The following PALLD variants were observed in gnomAD, a reference collection of about 807,000 sequenced individuals.
The protein encoded by PALLD is palladin.
PALLD carries 61 observed loss-of-function variants against 123.5 expected under a neutral mutation model. The ratio of observed to expected loss-of-function variants is 0.49; its 90% CI spans 0.40 to 0.61. The LOEUF is 0.61. Ranked by LOEUF, PALLD falls within the 20% of genes least tolerant of loss-of-function variation. PALLD has a pLI of 0.00. For missense variants in PALLD, 1,273 were observed against 1,377.0 expected (o/e 0.92, Z 1.20); for synonymous variants, 465 against 496.4 (o/e 0.94, Z 0.84).
chr4:168,911,430 G>A (rs896113680), intron 15 of PALLD, among the ~76,000 whole-genome samples: 4 of 152,278 alleles, frequency 2.6e-5, no homozygotes, highest in South Asian at 4.1e-4. Context: ...CATGGAAGCC[G>A]CAAAGCACAT....
intron 10 of PALLD, among the ~76,000 whole-genome samples, chr4:168,811,690 C>T (rs758368753): frequency 1.3e-4 from 20 of 152,054 alleles, no homozygotes; most frequent in Non-Finnish European, 2.5e-4. Flanking sequence ...GAGCCATAAT[C>T]GCAATCATAC....
intron 10 of PALLD, among the ~76,000 whole-genome samples, chr4:168,879,222 A>G (rs1423757259): frequency 6.6e-6 from 1 of 152,160 alleles, no homozygotes; most frequent in Non-Finnish European, 1.5e-5. Flanking sequence ...TGGCAGCCCT[A>G]TGAGGTCTTT....
At chr4:168,905,138 G>GTTTT (rs777740588) in intron 15 of PALLD, among the ~76,000 whole-genome samples, 7 of 34,538 alleles carry the variant, frequency 2.0e-4, no homozygotes, top group Non-Finnish European at 3.5e-4. Flanking sequence ...TGTTTTGTTG[G>GTTTT]TTTTTTTTTT....
Position 168,593,436 on chromosome 4 carries a change from C to CAAAAAAAAAAGAAA in PALLD, c.909-74749_909-74736dup, listed in dbSNP as rs1554047269. 7.7e-5 allele frequency among the ~76,000 whole-genome samples: 8 copies of CAAAAAAAAAAGAAA among 103,346 alleles called. No individual in the cohort carries two copies. In the South Asian group the frequency reaches 1.2e-3, roughly 15 times the overall value. 67.8% of individuals were successfully genotyped at this position (103,346 alleles called of 152,430 possible). A position where few individuals can be genotyped will look rare whatever the true frequency, so the allele number is the denominator to read the frequency against. On this transcript the variant is annotated intron_variant, in intron 2 of 21. Transcript: ENST00000505667. ...AGTAAAGACACTACCAGTCACCAGG[C>CAAAAAAAAAAGAAA]AAAAAAAAAAGAAAAAAAGGAAGAC...
At chr4:168,579,458 AT>A (rs376784368) in intron 2 of PALLD, among the ~76,000 whole-genome samples, 1 of 151,988 alleles carries the variant, frequency 6.6e-6, no homozygotes, top group South Asian at 2.1e-4. Context: ...CATTGCAGCA[AT>A]TTTTTTTAGC....
intron 2 of PALLD, among the ~76,000 whole-genome samples, chr4:168,544,247 G>T (rs1051715756): frequency 6.6e-6 from 1 of 152,240 alleles, no homozygotes; most frequent in Non-Finnish European, 1.5e-5. Context: ...TGCATATCCT[G>T]CAGTGTTAGC....
intron 10 of PALLD, among the ~76,000 whole-genome samples, chr4:168,837,954 T>C (rs915884620): frequency 2.0e-5 from 3 of 152,042 alleles, no homozygotes; most frequent in African/African-American, 7.2e-5. Flanking sequence ...TGTGGTAAAA[T>C]AGATCTAGGG....
At chr4:168,665,986 A>T (rs964977543) in intron 2 of PALLD, among the ~76,000 whole-genome samples, 1 of 152,214 alleles carries the variant, frequency 6.6e-6, no homozygotes, top group Non-Finnish European at 1.5e-5. Context: ...ACCAAAAAAA[A>T]AAAACCTTAT....
intron 10 of PALLD, among the ~76,000 whole-genome samples, chr4:168,782,617 C>T (rs913095638): frequency 6.6e-6 from 1 of 151,998 alleles, no homozygotes; most frequent in African/African-American, 2.4e-5. Flanking sequence ...GCCAATAAAA[C>T]TTTATTTACA....
chr4:168,679,733 AT>A (rs1478530203), intron 3 of PALLD, among the ~76,000 whole-genome samples: 1 of 152,014 alleles, frequency 6.6e-6, no homozygotes. Context: ...TAAATGACAA[AT>A]TTGGGGTTTT....
intron 10 of PALLD, among the ~76,000 whole-genome samples, chr4:168,811,634 A>T (rs1741127113): frequency 6.6e-6 from 1 of 152,094 alleles, no homozygotes; most frequent in Non-Finnish European, 1.5e-5. Context: ...TACTCAAGAG[A>T]CTGAGACAGG....
In PALLD at chr4:168,792,852, T is replaced by A. The variant is rs1159397315; in HGVS notation, c.1964+80929T>A. ...TGCGATCTTGGCTCAGGGCAACCTC[T>A]GCCTCCCGGGTTCAAGCGATTCTTC... is the stretch of plus-strand genomic sequence containing the variant. On this transcript the variant is annotated intron_variant, in intron 10 of 21. Coordinates refer to ENST00000505667, the MANE Select transcript of PALLD (RefSeq NM_001166108.2). 2.6e-5 allele frequency among the ~76,000 whole-genome samples: 4 copies of A among 151,572 alleles called. No homozygotes were observed. In the East Asian group the frequency reaches 7.8e-4, roughly 29 times the overall value.
intron 6 of PALLD, among the ~76,000 whole-genome samples, chr4:168,688,324 C>G (rs1468196768): frequency 6.6e-6 from 1 of 152,210 alleles, no homozygotes; most frequent in Non-Finnish European, 1.5e-5. Context: ...TCCTAGGTCT[C>G]ACAGCTGGTC....
Position 168,511,570 on chromosome 4 carries a change from GA to G in PALLD, c.68del (p.Asn23IlefsTer17), listed in dbSNP as rs768131699. 31 of 1,613,942 alleles carry G rather than the reference GA, an allele frequency of 1.9e-5. No homozygotes were observed. In the South Asian group the frequency reaches 2.9e-4, roughly 15 times the overall value. ...TCTCAGACATGCAGGAAGAAAGCAAGAATACTGACTTCTTCCCGGGCCTTTC... is the reference window on the plus strand; with the variant it reads ...TCTCAGACATGCAGGAAGAAAGCAAGATACTGACTTCTTCCCGGGCCTTTC... The part of the protein sequence containing the change: ...SLSDMQEESK[N>X]TDFFPGLSAF... On this transcript the variant is annotated frameshift_variant, in exon 2 of 22. Transcript: ENST00000505667. LOFTEE classifies it high-confidence loss of function.
chr4:168,820,696 A>T (rs1045025925), intron 10 of PALLD, among the ~76,000 whole-genome samples: 2 of 152,054 alleles, frequency 1.3e-5, no homozygotes, highest in Non-Finnish European at 2.9e-5. Context: ...TCCCAAGCAG[A>T]TGACAATTCT....
At chr4:168,510,760 T>G (rs1762456151) in intron 1 of PALLD, among the ~76,000 whole-genome samples, 2 of 152,222 alleles carry the variant, frequency 1.3e-5, no homozygotes, top group Non-Finnish European at 2.9e-5. Flanking sequence ...CATCTTTGGC[T>G]GGTTTCATGC....
At chr4:168,727,101 C>G (rs973913720) in intron 10 of PALLD, among the ~76,000 whole-genome samples, 1 of 152,092 alleles carries the variant, frequency 6.6e-6, no homozygotes, top group African/African-American at 2.4e-5. Flanking sequence ...GTATATGTAC[C>G]ACATTGTCTT....
intron 2 of PALLD, among the ~76,000 whole-genome samples, chr4:168,527,178 G>A (rs902744601): frequency 2.0e-5 from 3 of 152,124 alleles, no homozygotes; most frequent in South Asian, 2.1e-4. Flanking sequence ...CTCCCAGCAC[G>A]TTGGGAGGCT....
At chr4:168,877,252 A>T (rs780613405) in intron 10 of PALLD, among the ~76,000 whole-genome samples, 32 of 152,352 alleles carry the variant, frequency 2.1e-4, no homozygotes, top group Middle Eastern at 3.4e-3. Context: ...ACAGCACTGA[A>T]ATAGGCAAAT....
Sources: gnomAD v4.1 joint callset for allele counts (sites outside exome capture counted in the v4.1 genomes callset) on GRCh38, gnomAD v4.1.1 for gene constraint, MANE v1.5 for transcripts, NCBI Gene and HGNC (gene_info 2026-07-23, HGNC 2026-07-21) for gene names.